DPP10: variants seen among roughly 807,000 people sequenced by gnomAD.
DPP10 encodes dipeptidyl peptidase like 10, also known as inactive dipeptidyl peptidase 10.
Under a neutral mutation model 120.9 loss-of-function variants are expected in DPP10, and 33 were observed. The observed-to-expected ratio is 0.27, with a 90% CI of 0.21 to 0.37. The LOEUF is 0.37. DPP10 is among the 10% of genes least tolerant of loss of function. The pLI is 1.00. For synonymous variants in DPP10, 337 were observed against 326.1 expected (o/e 1.03, Z -0.36); for missense variants, 816 against 942.8 (o/e 0.87, Z 1.76).
chr2:114,549,401 G>C (rs114209429), intron 1 of DPP10, among the ~76,000 whole-genome samples: 1 of 152,050 alleles, frequency 6.6e-6, no homozygotes, highest in African/African-American at 2.4e-5. Flanking sequence ...GGCAGCTCAC[G>C]CCTATAGTCC....
At chr2:114,934,624 G>A (rs956331917) in intron 1 of DPP10, among the ~76,000 whole-genome samples, 6 of 150,168 alleles carry the variant, frequency 4.0e-5, no homozygotes, top group Middle Eastern at 3.4e-3. Context: ...CTCTGTGTGC[G>A]TGTGTGTGTG....
chr2:115,840,318 G>GTTTTTT (rs1559227733), intron 24 of DPP10, among the ~76,000 whole-genome samples: 1,130 of 31,926 alleles, frequency 0.035, 51 homozygotes, highest in African/African-American at 0.1. Context: ...AAGGTTTTTT[G>GTTTTTT]GTTTTTTTTT....
chr2:114,529,632 TC>T (rs780792332), intron 1 of DPP10, among the ~76,000 whole-genome samples: 5 of 152,320 alleles, frequency 3.3e-5, no homozygotes, highest in East Asian at 1.9e-4. Flanking sequence ...CTTTCTTGCC[TC>T]CTCCCATCCC....
chr2:115,050,849 C>T (rs1705424194), intron 1 of DPP10, among the ~76,000 whole-genome samples: 1 of 152,162 alleles, frequency 6.6e-6, no homozygotes, highest in Admixed American at 6.5e-5. Flanking sequence ...GTTTTTGGTT[C>T]CAGGCAAGTA....
intron 4 of DPP10, among the ~76,000 whole-genome samples, chr2:115,516,316 C>G (rs2077499944): frequency 6.6e-6 from 1 of 152,064 alleles, no homozygotes; most frequent in South Asian, 2.1e-4. Flanking sequence ...GGCCTTCTTT[C>G]TTTCCCCAAC....
rs1687800171 is a variant in DPP10 at position 114,837,071 on chromosome 2, C to T, written c.60+394233C>T. 2.0e-5 allele frequency among the ~76,000 whole-genome samples: 3 copies of T among 152,160 alleles called. No homozygotes were observed. The South Asian group carries it at 6.2e-4, about 32-fold the overall frequency. ...AAATTTGTGGAGTTAATGCAATCAT[C>T]ACAGGGTCATGAGGTGACATACATC... is the stretch of plus-strand genomic sequence containing the variant. On this transcript the variant is annotated intron_variant, in intron 1 of 25. Coordinates refer to ENST00000410059, the MANE Select transcript of DPP10 (RefSeq NM_020868.6).
intron 1 of DPP10, among the ~76,000 whole-genome samples, chr2:114,663,668 T>TATATAGAG: frequency 2.6e-4 from 21 of 80,706 alleles, no homozygotes; most frequent in Admixed American, 4.0e-4. Context: ...TATATATATA[T>TATATAGAG]AGAGAGAGAG....
At chr2:115,319,247 C>A (rs1289867830) in intron 2 of DPP10, among the ~76,000 whole-genome samples, 1 of 152,054 alleles carries the variant, frequency 6.6e-6, no homozygotes, top group Admixed American at 6.6e-5. Context: ...ATAAAACCCA[C>A]TTGTTCATGA....
At chr2:114,465,731 A>G (rs1412117039) in intron 1 of DPP10, among the ~76,000 whole-genome samples, 1 of 152,238 alleles carries the variant, frequency 6.6e-6, no homozygotes, top group Non-Finnish European at 1.5e-5. Context: ...TAATAATTGT[A>G]CACATTTATG....
intron 3 of DPP10, among the ~76,000 whole-genome samples, chr2:115,479,382 A>G (rs932643164): frequency 2.0e-5 from 3 of 152,140 alleles, no homozygotes; most frequent in Non-Finnish European, 4.4e-5. Context: ...CACAGAAAGT[A>G]AAATAATGGT....
intron 1 of DPP10, among the ~76,000 whole-genome samples, chr2:114,860,906 G>A (rs1301316443): frequency 6.6e-6 from 1 of 151,988 alleles, no homozygotes; most frequent in African/African-American, 2.4e-5. Context: ...ACCAATATTC[G>A]ACTTTAAATT....
intron 1 of DPP10, among the ~76,000 whole-genome samples, chr2:114,963,560 C>G (rs1698801113): frequency 1.3e-5 from 2 of 152,322 alleles, no homozygotes; most frequent in African/African-American, 2.4e-5. Context: ...ATTCCCTTCT[C>G]TACATAACCA....
At chr2:115,221,380 C>G (rs2057147569) in intron 1 of DPP10, among the ~76,000 whole-genome samples, 1 of 152,086 alleles carries the variant, frequency 6.6e-6, no homozygotes, top group Non-Finnish European at 1.5e-5. Context: ...TTGCGTTATA[C>G]TCAAATGCAC....
At chr2:115,807,990 AACTGAGTTCAGAGGC>A (rs368892713) in intron 19 of DPP10, among the ~76,000 whole-genome samples, 2,764 of 152,274 alleles carry the variant, frequency 0.018, 85 homozygotes, top group African/African-American at 0.061. Context: ...ATCAAACTAT[AACTGAGTTCAGAGGC>A]ACTCTGGATT....
chr2:114,890,421 T>C (rs1305100496), intron 1 of DPP10, among the ~76,000 whole-genome samples: 1 of 151,950 alleles, frequency 6.6e-6, no homozygotes, highest in African/African-American at 2.4e-5. Context: ...CCCAAAAAAA[T>C]GAATAAGCAA....
chr2:115,118,995 A>G (rs1384496951), intron 1 of DPP10, among the ~76,000 whole-genome samples: 1 of 152,152 alleles, frequency 6.6e-6, no homozygotes, highest in African/African-American at 2.4e-5. Context: ...TACACTAGGA[A>G]GAGGGTCAAG....
chr2:115,668,263 CAG>C (rs1032634268), intron 5 of DPP10, among the ~76,000 whole-genome samples: 45 of 144,264 alleles, frequency 3.1e-4, no homozygotes, highest in African/African-American at 1.1e-3. Flanking sequence ...GCCATTTTAA[CAG>C]TGTGGAGAAG....
rs532176361 is a variant in DPP10 at position 114,823,169 on chromosome 2, A to T, written c.60+380331A>T. On this transcript the variant is annotated intron_variant, in intron 1 of 25. Transcript: ENST00000410059. ...TTTATAAAGGAAAGATGTTTAACTG[A>T]CTCACAGTTCAGCATGGCTGGGGAG... is the stretch of plus-strand genomic sequence containing the variant. Among the ~76,000 whole-genome samples the T allele has an allele frequency of 2.0e-5, 3 of 152,258 alleles. No individual in the cohort carries two copies. In the South Asian group the frequency reaches 6.2e-4, roughly 32 times the overall value.
rs925223966 is a variant in DPP10 at position 115,222,313 on chromosome 2, G to C, written c.61-86926G>C. ...TCAGTTCAGCCATGACTTCTCATTG[G>C]TAATTTGATTTGAATCATAATTGAT... On this transcript the variant is annotated intron_variant, in intron 1 of 25. Coordinates refer to ENST00000410059, the MANE Select transcript of DPP10 (RefSeq NM_020868.6). Among the ~76,000 whole-genome samples, 5 of 152,236 alleles carry C rather than the reference G, an allele frequency of 3.3e-5. No individual in the cohort carries two copies. In the East Asian group the frequency reaches 9.7e-4, roughly 29 times the overall value.
Sources: gnomAD v4.1 joint callset for allele counts (sites outside exome capture counted in the v4.1 genomes callset) on GRCh38, gnomAD v4.1.1 for gene constraint, MANE v1.5 for transcripts, NCBI Gene and HGNC (gene_info 2026-07-23, HGNC 2026-07-21) for gene names.